The following POU3F3 variants were observed in gnomAD, a reference collection of about 807,000 sequenced individuals.
POU3F3 encodes POU class 3 homeobox 3.
In POU3F3, 1 loss-of-function variant was observed where a neutral mutation model predicts 8.6. That is an observed-to-expected ratio of 0.12 (90% CI 0.04 to 0.55). POU3F3 has a LOEUF of 0.55. POU3F3 is among the 20% of genes least tolerant of loss of function. POU3F3 has a pLI of 0.91. For synonymous variants in POU3F3, 418 were observed against 327.4 expected, an observed-to-expected ratio of 1.28 and a Z score of -2.99; for missense variants, 577 against 690.7, an observed-to-expected ratio of 0.84 and a Z score of 1.84.
At position 104,857,075 on chromosome 2, in the gene POU3F3, C is replaced by T. The variant is rs1676580559; in HGVS notation, c.*62C>T. 2 of 1,134,972 alleles carry T rather than the reference C, an allele frequency of 1.8e-6. No homozygotes were observed. Among genetic ancestry groups the T allele is most frequent in the Admixed American group, 4.9e-5 (1 of 20,234 alleles). 70.3% of individuals were successfully genotyped at this position (1,134,972 alleles called of 1,614,324 possible). A position where few individuals can be genotyped will look rare whatever the true frequency, so the allele number is the denominator to read the frequency against. ...CCGCCTCCGCAGCCGCCGTCAGCAC[C>T]GCCGCCGCCCCTGCCGCCGCCGCCG... On this transcript the variant is annotated 3_prime_UTR_variant, in exon 1 of 1. Coordinates refer to ENST00000361360, the MANE Select transcript of POU3F3 (RefSeq NM_006236.3).
the POU3F3 span, chr2:104,865,945 T>C: frequency 1.3e-5 from 2 of 152,180 alleles, no homozygotes; most frequent in East Asian, 1.9e-4. Context: ...TAGGTGACAA[T>C]GGTGAAAAAG....
the POU3F3 span, among the ~76,000 whole-genome samples, chr2:104,914,969 G>GA: frequency 6.6e-6 from 1 of 152,168 alleles, no homozygotes; most frequent in African/African-American, 2.4e-5. Flanking sequence ...GTGGAGCCCT[G>GA]AAGGCCTCAC....
chr2:104,912,111 T>A, the POU3F3 span, among the ~76,000 whole-genome samples: 1 of 152,078 alleles, frequency 6.6e-6, no homozygotes, highest in Non-Finnish European at 1.5e-5. Flanking sequence ...GGTGCCGTCA[T>A]GGGAGCCATC....
chr2:104,867,895 G>C, the POU3F3 span: 3 of 211,302 alleles, frequency 1.4e-5, no homozygotes, highest in African/African-American at 2.3e-5. The surrounding 1 kb of genome is among the most constrained non-coding windows in gnomAD (Gnocchi z 5.0). Flanking sequence ...AGCAGCCAAG[G>C]CTGCGCACTC....
At chr2:104,893,472 G>A in the POU3F3 span, among the ~76,000 whole-genome samples, 1 of 152,250 alleles carries the variant, frequency 6.6e-6, no homozygotes, top group Non-Finnish European at 1.5e-5. Context: ...TCTGCAGAGG[G>A]CAATGGTTGA....
the POU3F3 span, among the ~76,000 whole-genome samples, chr2:104,875,545 G>A: frequency 8.5e-5 from 13 of 152,122 alleles, no homozygotes; most frequent in Non-Finnish European, 1.8e-4. Context: ...CCCAGTTGGT[G>A]TGAAGTGATA....
In POU3F3 at chr2:104,854,658, T is replaced by A. The variant is rs536732764; in HGVS notation, c.-853T>A. On this transcript the variant is annotated 5_prime_UTR_variant, in exon 1 of 1. Transcript: ENST00000361360. This position sits in a 1 kb window ranked among gnomAD's most constrained non-coding sequence, Gnocchi z 4.5. ...ACCAAGAGCTCCGGCAATAGCAACT[T>A]CAGAGAAATGCACCATCGCAAGAAG... Among the ~76,000 whole-genome samples, 227 of 152,166 alleles carry A rather than the reference T, an allele frequency of 1.5e-3. No homozygotes were observed. Among genetic ancestry groups the A allele is most frequent in the Non-Finnish European group, 2.1e-3 (143 of 68,008 alleles).
the POU3F3 span, among the ~76,000 whole-genome samples, chr2:104,911,825 G>T: frequency 6.6e-6 from 1 of 150,566 alleles, no homozygotes; most frequent in Non-Finnish European, 1.5e-5. Flanking sequence ...AGAGAGAGAG[G>T]GAGAGAGAGA....
rs980212735 is a variant in POU3F3 at position 104,857,929 on chromosome 2, C to CGGGA, written c.*919_*920insAGGG. The CGGGA allele has an allele frequency of 7.2e-5, 11 of 152,004 alleles. No homozygotes were observed. The highest frequency in any genetic ancestry group is 2.7e-4 in the African/African-American group (11 of 41,426). The allele number at this position is 152,004 out of a possible 1,614,324, so 9.4% of individuals were successfully genotyped here. ...GAGAGGCCCCGGCCGAGTCGGGTCG[C>CGGGA]GGGCGGGCGGGCGAACTGGGAGCAG... is the stretch of plus-strand genomic sequence containing the variant. On this transcript the variant is annotated 3_prime_UTR_variant, in exon 1 of 1. Coordinates refer to ENST00000361360, the MANE Select transcript of POU3F3 (RefSeq NM_006236.3).
chr2:104,862,225 T>C (rs1676668130), downstream of POU3F3, among the ~76,000 whole-genome samples: 1 of 152,188 alleles, frequency 6.6e-6, no homozygotes, highest in Non-Finnish European at 1.5e-5. Flanking sequence ...GGCTGTGCGC[T>C]GCGTTCTTGA....
the POU3F3 span, among the ~76,000 whole-genome samples, chr2:104,917,599 G>A: frequency 6.6e-6 from 1 of 152,192 alleles, no homozygotes; most frequent in African/African-American, 2.4e-5. Flanking sequence ...CACAGTCTGT[G>A]TAAAGGCTCC....
At chr2:104,864,726 T>C in the POU3F3 span, among the ~76,000 whole-genome samples, 1 of 152,186 alleles carries the variant, frequency 6.6e-6, no homozygotes, top group Non-Finnish European at 1.5e-5. Context: ...GGGAGAGTAG[T>C]TTACCTGATC....
chr2:104,921,604 C>A, the POU3F3 span, among the ~76,000 whole-genome samples: 1 of 152,182 alleles, frequency 6.6e-6, no homozygotes, highest in Non-Finnish European at 1.5e-5. Context: ...CTGACTGAAG[C>A]AACTTCCAGG....
the POU3F3 span, among the ~76,000 whole-genome samples, chr2:104,881,647 A>G: frequency 5.3e-5 from 8 of 152,254 alleles, no homozygotes. Context: ...TTCATTAGAC[A>G]TAGACATAGG....
At chr2:104,906,978 G>T in the POU3F3 span, among the ~76,000 whole-genome samples, 1 of 152,008 alleles carries the variant, frequency 6.6e-6, no homozygotes, top group Admixed American at 6.6e-5. Context: ...ATCTGTCGGG[G>T]TTGGCTTTCT....
the POU3F3 span, among the ~76,000 whole-genome samples, chr2:104,905,957 A>G: frequency 6.6e-6 from 1 of 152,206 alleles, no homozygotes; most frequent in East Asian, 1.9e-4. Context: ...CAATGGGAAC[A>G]TATTTGGCTG....
At chr2:104,900,043 G>C in the POU3F3 span, among the ~76,000 whole-genome samples, 1 of 152,240 alleles carries the variant, frequency 6.6e-6, no homozygotes, top group East Asian at 1.9e-4. Flanking sequence ...AATTGAAATG[G>C]AGATGATGTC....
At chr2:104,877,428 G>A in the POU3F3 span, among the ~76,000 whole-genome samples, 1 of 152,274 alleles carries the variant, frequency 6.6e-6, no homozygotes, top group Non-Finnish European at 1.5e-5. Context: ...GCAGGACTCT[G>A]CAGTTCATTT....
In POU3F3 at chr2:104,857,138, G is replaced by A; in HGVS notation, c.*125G>A. 1.1e-6 allele frequency: 1 copy of A among 940,766 alleles called. No individual in the cohort carries two copies. Among genetic ancestry groups the A allele is most frequent in the Non-Finnish European group, 1.3e-6 (1 of 790,350 alleles). 58.3% of individuals were successfully genotyped at this position (940,766 alleles called of 1,614,324 possible). ...CCGCTGCCGCCGCCGCGCCGACCCT[G>A]CACCTGGGCCGCTCCGGGCTCCAGC... is the stretch of plus-strand genomic sequence containing the variant. On this transcript the variant is annotated 3_prime_UTR_variant, in exon 1 of 1. Coordinates refer to ENST00000361360, the MANE Select transcript of POU3F3 (RefSeq NM_006236.3).
Sources: allele counts gnomAD v4.1 joint callset (sites outside exome capture counted in the v4.1 genomes callset), GRCh38; gene constraint gnomAD v4.1.1; non-coding constraint Gnocchi (gnomAD v3.1); transcripts MANE v1.5; gene names NCBI Gene and HGNC (gene_info 2026-07-23, HGNC 2026-07-21).